The following WDPCP variants were observed in gnomAD, a reference collection of about 807,000 sequenced individuals.
The protein encoded by WDPCP is WD repeat-containing and planar cell polarity effector protein fritz homolog.
Under a neutral mutation model 93.1 loss-of-function variants are expected in WDPCP, and 71 were observed. That is an observed-to-expected ratio of 0.76 (90% CI 0.63 to 0.93). The LOEUF (loss-of-function observed/expected upper bound fraction) is 0.93. Among genes scored for constraint, WDPCP ranks in the 40% least tolerant of loss-of-function variants. The pLI is 0.00. For synonymous variants in WDPCP, 315 were observed against 315.0 expected, an observed-to-expected ratio of 1.00 and a Z score of 0.00; for missense variants, 844 against 887.4, an observed-to-expected ratio of 0.95 and a Z score of 0.62.
At chr2:63,572,772 CAT>C (rs2106482008) in intron 1 of WDPCP, among the ~76,000 whole-genome samples, 1 of 139,704 alleles carries the variant, frequency 7.2e-6, no homozygotes, top group African/African-American at 2.7e-5. Flanking sequence ...AGGGCAAAAT[CAT>C]GCAATATGAG....
intron 2 of WDPCP, among the ~76,000 whole-genome samples, chr2:63,708,052 C>T (rs576642839): frequency 6.6e-6 from 1 of 152,288 alleles, no homozygotes; most frequent in East Asian, 1.9e-4. Flanking sequence ...GGGGTGCCTC[C>T]CAGTTAGGCT....
At chr2:63,734,870 T>TAGATAGACAGAC (rs534148991) in intron 2 of WDPCP, among the ~76,000 whole-genome samples, 2 of 141,330 alleles carry the variant, frequency 1.4e-5, no homozygotes, top group African/African-American at 2.7e-5. Flanking sequence ...GATAGATAGA[T>TAGATAGACAGAC]AGACAGACAG....
At chr2:63,159,166 T>C in intron 15 of WDPCP, among the ~76,000 whole-genome samples, 1 of 132,434 alleles carries the variant, frequency 7.6e-6, no homozygotes. Flanking sequence ...AAAAAAAAAC[T>C]TTTTTTTTTT....
intron 12 of WDPCP, among the ~76,000 whole-genome samples, chr2:63,320,082 A>C (rs966322068): frequency 2.6e-5 from 4 of 152,214 alleles, no homozygotes; most frequent in Non-Finnish European, 4.4e-5. Context: ...TTACATGCTT[A>C]TATTGAAAAG....
chr2:63,831,227 T>A (rs573955211), upstream of WDPCP, among the ~76,000 whole-genome samples: 3 of 152,218 alleles, frequency 2.0e-5, no homozygotes, highest in Non-Finnish European at 4.4e-5. Context: ...TTTAAAATGA[T>A]TAGATTGCTT....
chr2:63,210,520 C>T (rs181152898), intron 14 of WDPCP, among the ~76,000 whole-genome samples: 1 of 152,242 alleles, frequency 6.6e-6, no homozygotes, highest in East Asian at 1.9e-4. Context: ...CTACATTTCC[C>T]ACCGTGAGTG....
intron 15 of WDPCP, among the ~76,000 whole-genome samples, chr2:63,158,790 A>G (rs1246686816): frequency 2.0e-5 from 3 of 151,786 alleles, no homozygotes; most frequent in Non-Finnish European, 4.4e-5. Flanking sequence ...AAGTTCATTG[A>G]CTTCCCTTTG....
At chr2:63,696,313 T>C (rs76301028) in intron 2 of WDPCP, among the ~76,000 whole-genome samples, 9 of 145,628 alleles carry the variant, frequency 6.2e-5, no homozygotes, top group African/African-American at 7.7e-5. Context: ...CCCCAGCAAG[T>C]TTCTTCTTGG....
intron 12 of WDPCP, among the ~76,000 whole-genome samples, chr2:63,368,178 G>A (rs945438391): frequency 1.3e-5 from 2 of 152,080 alleles, no homozygotes; most frequent in Non-Finnish European, 2.9e-5. Flanking sequence ...AAAGAAATGA[G>A]TTGTACTTAT....
rs1183341720 is a variant in WDPCP, at chr2:63,641,143, C to T, written n.488+9516G>A. Among the ~76,000 whole-genome samples, 4 of 152,154 alleles carry T rather than the reference C, an allele frequency of 2.6e-5. No homozygotes were observed. In the East Asian group the frequency reaches 7.7e-4, roughly 29 times the overall value. On this transcript the variant is annotated intron_variant and non_coding_transcript_variant, in intron 3 of 4. Coordinates refer to the WDPCP transcript ENST00000467687. ...GTTCCATCCATGTTGTTCCAAATGA[C>T]AGGATTTCATTCTTTTTATAGCTAA...
At chr2:63,271,131 G>A (rs779163829) in intron 13 of WDPCP, among the ~76,000 whole-genome samples, 2 of 152,304 alleles carry the variant, frequency 1.3e-5, no homozygotes, top group African/African-American at 4.8e-5. Flanking sequence ...GATGTGTACT[G>A]GGGAGGCTGC....
intron 1 of WDPCP, among the ~76,000 whole-genome samples, chr2:63,567,405 A>G (rs574780937): frequency 1.3e-5 from 2 of 152,338 alleles, no homozygotes; most frequent in South Asian, 2.1e-4. Context: ...AAAACCAAGA[A>G]CAAAGACCAA....
Position 63,303,969 on chromosome 2 carries a change from T to C in WDPCP, c.1812+9279A>G, listed in dbSNP as rs1225766053. Among the ~76,000 whole-genome samples, 7 of 26,334 alleles carry C rather than the reference T, an allele frequency of 2.7e-4. No homozygotes were observed. The East Asian group carries it at 6.4e-3, about 24-fold the overall frequency. 17.3% of individuals were successfully genotyped at this position (26,334 alleles called of 152,430 possible). ...ACTCAGAATGGCTATTAGTAAAAAG[T>C]CAAAAAAAAAAAAAAAACAGATGTA... On this transcript the variant is annotated intron_variant, in intron 13 of 17. Coordinates refer to ENST00000272321, the MANE Select transcript of WDPCP (RefSeq NM_015910.7).
intron 3 of WDPCP, among the ~76,000 whole-genome samples, chr2:63,606,275 A>G (rs1438487768): frequency 1.3e-5 from 2 of 152,132 alleles, no homozygotes; most frequent in Non-Finnish European, 2.9e-5. Flanking sequence ...TAGGTTCTTG[A>G]GAGGCTGAGG....
intron 14 of WDPCP, among the ~76,000 whole-genome samples, chr2:63,201,404 C>T (rs1411183306): frequency 6.6e-6 from 1 of 152,136 alleles, no homozygotes; most frequent in African/African-American, 2.4e-5. Flanking sequence ...CTGGAATAAA[C>T]CCCACTTGGT....
intron 2 of WDPCP, among the ~76,000 whole-genome samples, chr2:63,738,963 A>C (rs1669676504): frequency 6.6e-6 from 1 of 152,210 alleles, no homozygotes. Context: ...TAATTTGTAC[A>C]AATGAACTTA....
intron 10 of WDPCP, 61 bp from the exon 11 acceptor site, chr2:63,382,155 G>C (rs977183769): frequency 3.3e-6 from 5 of 1,518,370 alleles, no homozygotes; most frequent in Non-Finnish European, 4.4e-6. Context: ...AACAAAAAGA[G>C]TTAATTTTTC....
intron 2 of WDPCP, chr2:63,752,611 A>T: frequency 7.3e-6 from 4 of 549,856 alleles, no homozygotes; most frequent in Non-Finnish European, 1.3e-5. Flanking sequence ...GCTCTTTAGG[A>T]TACTGATTTA....
At chr2:63,729,585 A>G (rs1201879651) in intron 2 of WDPCP, among the ~76,000 whole-genome samples, 4 of 152,200 alleles carry the variant, frequency 2.6e-5, no homozygotes, top group Non-Finnish European at 5.9e-5. Flanking sequence ...GCCTCCTGAT[A>G]GCACATCAGG....
Sources: gnomAD v4.1 joint callset for allele counts (sites outside exome capture counted in the v4.1 genomes callset) on GRCh38, gnomAD v4.1.1 for gene constraint, MANE v1.5 for transcripts, NCBI Gene and HGNC (gene_info 2026-07-23, HGNC 2026-07-21) for gene names.